Variants in PLEKHA7 observed in about 807,000 individuals in gnomAD.
The protein encoded by PLEKHA7 is pleckstrin homology domain containing A7, also known as pleckstrin homology domain-containing family A member 7.
In PLEKHA7, 104 loss-of-function variants were observed where a neutral mutation model predicts 170.0. The ratio of observed to expected loss-of-function variants is 0.61; its 90% CI spans 0.52 to 0.72. The LOEUF is 0.72. Ranked by LOEUF, PLEKHA7 falls within the 30% of genes least tolerant of loss-of-function variation. PLEKHA7 has a pLI of 0.00. For missense variants in PLEKHA7, 1,615 were observed against 1,671.7 expected (o/e 0.97, Z 0.59); for synonymous variants, 648 against 660.8 (o/e 0.98, Z 0.30).
intron 6 of PLEKHA7, 30 bp from the exon 7 acceptor site, chr11:16,852,385 A>G (rs1331420444): frequency 1.9e-6 from 3 of 1,597,476 alleles, no homozygotes; most frequent in Non-Finnish European, 2.6e-6. Flanking sequence ...AGTCAGGGTA[A>G]TATCTGAGCA....
intron 4 of PLEKHA7, among the ~76,000 whole-genome samples, chr11:16,866,980 A>T (rs1386348807): frequency 1.3e-5 from 2 of 152,132 alleles, no homozygotes; most frequent in African/African-American, 4.8e-5. Context: ...GGATGGGTTT[A>T]AATTTTTTCT....
Position 16,817,869 on chromosome 11 carries a change from T to C in PLEKHA7, c.1344-547A>G, listed in dbSNP as rs951567409. On this transcript the variant is annotated intron_variant, in intron 10 of 26. Coordinates refer to ENST00000531066, the MANE Select transcript of PLEKHA7 (RefSeq NM_001329630.2). This position sits in a 1 kb window ranked among gnomAD's most constrained non-coding sequence, Gnocchi z 4.4. ...CAGTCAAGTGCTCTGATCATATCAG[T>C]TCCTTGCTGCAAAAACTTCCATGGC... Among the ~76,000 whole-genome samples the C allele has an allele frequency of 1.3e-5, 2 of 152,164 alleles. No individual in the cohort carries two copies. The highest frequency in any genetic ancestry group is 4.8e-5 in the African/African-American group (2 of 41,422).
intron 3 of PLEKHA7, among the ~76,000 whole-genome samples, chr11:17,004,014 C>G (rs1864830850): frequency 6.6e-6 from 1 of 152,212 alleles, no homozygotes; most frequent in Non-Finnish European, 1.5e-5. Flanking sequence ...TCCTCTGTCA[C>G]CTAAGACTGA....
chr11:16,841,179 G>C (rs906356179), intron 9 of PLEKHA7, among the ~76,000 whole-genome samples: 1 of 152,188 alleles, frequency 6.6e-6, no homozygotes, highest in Non-Finnish European at 1.5e-5. Context: ...CAGAGAGGGA[G>C]CAACCGGAAG....
At chr11:16,983,752 C>T (rs1863572996) in intron 3 of PLEKHA7, among the ~76,000 whole-genome samples, 1 of 152,226 alleles carries the variant, frequency 6.6e-6, no homozygotes, top group Non-Finnish European at 1.5e-5. Context: ...AAGTCCAATA[C>T]TCATCACTGT....
chr11:16,962,006 C>T (rs370832660), intron 3 of PLEKHA7, among the ~76,000 whole-genome samples: 80 of 152,292 alleles, frequency 5.3e-4, no homozygotes, highest in African/African-American at 1.8e-3. Flanking sequence ...CAGGAGCCTA[C>T]GTTGCAAAAT....
chr11:16,870,659 A>G (rs1379700791), intron 4 of PLEKHA7, among the ~76,000 whole-genome samples: 1 of 148,444 alleles, frequency 6.7e-6, no homozygotes, highest in African/African-American at 2.5e-5. Context: ...AAAAAAAAAA[A>G]AAGATATGGG....
At chr11:16,944,310 T>C (rs531772818) in intron 3 of PLEKHA7, among the ~76,000 whole-genome samples, 57 of 148,832 alleles carry the variant, frequency 3.8e-4, no homozygotes, top group Non-Finnish European at 7.6e-4. Flanking sequence ...GCTGAAACCA[T>C]GCCATTGCAC....
chr11:16,841,767 C>T (rs1851984637), intron 8 of PLEKHA7, 45 bp from the exon 9 acceptor site: 3 of 1,587,554 alleles, frequency 1.9e-6, no homozygotes, highest in Non-Finnish European at 2.6e-6. Flanking sequence ...GGTTATCACA[C>T]ATTTCCTTTA....
chr11:17,001,444 C>G (rs988925952), intron 3 of PLEKHA7, among the ~76,000 whole-genome samples: 12 of 152,182 alleles, frequency 7.9e-5, no homozygotes, highest in African/African-American at 2.7e-4. Context: ...ATGATTGTTG[C>G]AAAGGTGAGT....
intron 9 of PLEKHA7, among the ~76,000 whole-genome samples, chr11:16,827,917 A>G (rs934874162): frequency 6.6e-6 from 1 of 152,066 alleles, no homozygotes; most frequent in African/African-American, 2.4e-5. Context: ...ATGAGAGTAC[A>G]TAATAGAAAT....
intron 3 of PLEKHA7, among the ~76,000 whole-genome samples, chr11:16,961,500 G>A (rs566746426): frequency 1.1e-4 from 16 of 152,344 alleles, no homozygotes; most frequent in Admixed American, 2.0e-4. Flanking sequence ...ACAGGCAACC[G>A]GAGAAGTGGC....
rs150190236 is a variant in PLEKHA7 at position 16,877,166 on chromosome 11, G to A, written c.222-5984C>T. On this transcript the variant is annotated intron_variant, in intron 3 of 26. Transcript: ENST00000531066. ...CCTCTGGACCTTCTGGTTCCTCAAT[G>A]TGGCTCCCAGAACACTGTAAAAGCG... Among the ~76,000 whole-genome samples the A allele has an allele frequency of 2.1e-3, 322 of 152,302 alleles. 1 individual carries two copies. Among genetic ancestry groups the A allele is most frequent in the African/African-American group, 7.6e-3 (317 of 41,554 alleles).
chr11:16,853,717 C>T lies in PLEKHA7; in HGVS notation c.522+1172G>A, dbSNP rs1020448398. On this transcript the variant is annotated intron_variant, in intron 6 of 26. Coordinates refer to ENST00000531066, the MANE Select transcript of PLEKHA7 (RefSeq NM_001329630.2). ...TTAAATGACTCAAGTGAGAAAAAGA[C>T]AAGGGCAAATGTAAGAAAAGAGAGG... is the stretch of plus-strand genomic sequence containing the variant. Among the ~76,000 whole-genome samples, 9 of 152,278 alleles carry T rather than the reference C, an allele frequency of 5.9e-5. No homozygotes were observed. In the South Asian group the frequency reaches 1.9e-3, roughly 32 times the overall value.
rs777648277 is a variant in PLEKHA7 at position 16,826,213 on chromosome 11, G to A, written c.1250C>T (p.Pro417Leu). 7 of 1,614,230 alleles carry A rather than the reference G, an allele frequency of 4.3e-6. No individual in the cohort carries two copies. The highest frequency in any genetic ancestry group is 5.9e-6 in the Non-Finnish European group (7 of 1,180,040). ...NGTGGYQRAFPPRTNPEKHSQ... is the reference protein window; with the variant it reads ...NGTGGYQRAFLPRTNPEKHSQ... ...GTGTTTTTCAGGGTTGGTCCTGGGA[G>A]GAAAGGCCCGCTGGTACCCACCAGT... is the stretch of plus-strand genomic sequence containing the variant. Residue 417 changes from proline to leucine, a missense_variant, in exon 10 of 27, where the codon CCT becomes CTT. By Grantham distance (98) the Pro-to-Leu change is moderately conservative. Transcript: ENST00000531066.
intron 4 of PLEKHA7, among the ~76,000 whole-genome samples, chr11:16,863,879 G>A (rs1854179074): frequency 6.6e-6 from 1 of 151,946 alleles, no homozygotes; most frequent in African/African-American, 2.4e-5. Context: ...TTAGAAGGGA[G>A]CAAAATGATC....
At chr11:16,884,252 C>G (rs1347537834) in intron 3 of PLEKHA7, among the ~76,000 whole-genome samples, 1 of 152,098 alleles carries the variant, frequency 6.6e-6, no homozygotes, top group Non-Finnish European at 1.5e-5. Context: ...GACCTGAAAA[C>G]CAATTTGTCC....
intron 3 of PLEKHA7, among the ~76,000 whole-genome samples, chr11:16,906,119 T>A (rs1857643801): frequency 6.6e-6 from 1 of 152,136 alleles, no homozygotes; most frequent in Non-Finnish European, 1.5e-5. Context: ...TGGGCTGAAC[T>A]GTGTTCCCTT....
intron 10 of PLEKHA7, among the ~76,000 whole-genome samples, chr11:16,821,625 T>C (rs564335638): frequency 5.3e-5 from 8 of 152,322 alleles, no homozygotes; most frequent in Middle Eastern, 6.8e-3. Context: ...GAGATATCTA[T>C]CTCATATATT....
Sources: allele counts gnomAD v4.1 joint callset (sites outside exome capture counted in the v4.1 genomes callset), GRCh38; gene constraint gnomAD v4.1.1; non-coding constraint Gnocchi (gnomAD v3.1); transcripts MANE v1.5; gene names NCBI Gene and HGNC (gene_info 2026-07-23, HGNC 2026-07-21).